NIPBL: variants seen among roughly 807,000 people sequenced by gnomAD.
The protein encoded by NIPBL is NIPBL cohesin loading factor, also known as nipped-B-like protein.
NIPBL carries 19 observed loss-of-function variants against 321.8 expected under a neutral mutation model. The ratio of observed to expected loss-of-function variants is 0.06; its 90% CI spans 0.04 to 0.09. NIPBL has a LOEUF of 0.09. NIPBL is among the 10% of genes least tolerant of loss of function. The pLI is 1.00. For missense variants in NIPBL, 2,210 were observed against 3,327.0 expected (o/e 0.66, Z 8.26); for synonymous variants, 1,106 against 1,114.1 (o/e 0.99, Z 0.14).
chr5:36,980,293 G>A (rs984352465), intron 9 of NIPBL, among the ~76,000 whole-genome samples: 16 of 151,658 alleles, frequency 1.1e-4, no homozygotes, highest in African/African-American at 3.9e-4. Flanking sequence ...GAGCAGAGTT[G>A]ACATTCAATT....
chr5:37,050,024 G>A (rs1753363636), intron 40 of NIPBL, among the ~76,000 whole-genome samples: 1 of 152,182 alleles, frequency 6.6e-6, no homozygotes, highest in African/African-American at 2.4e-5. Flanking sequence ...TATTTATCCT[G>A]TTCTTCATGA....
rs555747521 is a variant in NIPBL, at chr5:37,004,955, A to T, written c.3856-1402A>T. Among the ~76,000 whole-genome samples, 8 of 152,306 alleles carry T rather than the reference A, an allele frequency of 5.3e-5. No individual in the cohort carries two copies. The South Asian group carries it at 1.7e-3, about 32-fold the overall frequency. On this transcript the variant is annotated intron_variant, in intron 16 of 46. Transcript: ENST00000282516. ...ACAAAAGCCACAGGATTGCTAGGGG[A>T]TCTACATGGAATAAAACAAGCTTGT... is the stretch of plus-strand genomic sequence containing the variant.
intron 27 of NIPBL, among the ~76,000 whole-genome samples, chr5:37,021,247 C>T (rs1484898575): frequency 6.6e-6 from 1 of 152,018 alleles, no homozygotes; most frequent in Non-Finnish European, 1.5e-5. Context: ...TGCAGTGAGC[C>T]GAGATCGTGC....
In NIPBL at chr5:36,950,367, A is replaced by G. The variant is rs181722617; in HGVS notation, c.-79-3251A>G. On this transcript the variant is annotated intron_variant, in intron 1 of 46. Transcript: ENST00000282516. Reference sequence around the variant, plus strand: ...TTACTATGTGCCAGGTGGTATGTCAAATGATATATGTGCATTATTTTATTT... The same window carrying G: ...TTACTATGTGCCAGGTGGTATGTCAGATGATATATGTGCATTATTTTATTT... 1.8e-3 allele frequency among the ~76,000 whole-genome samples: 281 copies of G among 152,156 alleles called. 1 individual carries two copies. Among genetic ancestry groups the G allele is most frequent in the African/African-American group, 6.4e-3 (265 of 41,538 alleles).
chr5:37,054,895 G>A (rs761271360), intron 42 of NIPBL, among the ~76,000 whole-genome samples: 2 of 151,866 alleles, frequency 1.3e-5, no homozygotes, highest in Non-Finnish European at 2.9e-5. Flanking sequence ...ATAATATATA[G>A]AGGATCCTGT....
intron 6 of NIPBL, among the ~76,000 whole-genome samples, chr5:36,963,973 G>C (rs1168435427): frequency 2.0e-5 from 3 of 152,138 alleles, no homozygotes; most frequent in African/African-American, 7.2e-5. Context: ...ATATACACAT[G>C]AATGTGTGTA....
intron 21 of NIPBL, among the ~76,000 whole-genome samples, chr5:37,012,456 A>AT (rs763144789): frequency 0.066 from 7,028 of 107,084 alleles, 406 homozygotes; most frequent in African/African-American, 0.15. Context: ...TCTTTCTCCA[A>AT]TTTTTTTTTT....
chr5:36,954,756 T>G (rs547900548), intron 2 of NIPBL, among the ~76,000 whole-genome samples: 1 of 152,180 alleles, frequency 6.6e-6, no homozygotes, highest in Non-Finnish European at 1.5e-5. Flanking sequence ...ATAATTATAC[T>G]GTATAGGTGA....
chr5:36,894,820 G>A (rs1367169513), intron 1 of NIPBL, among the ~76,000 whole-genome samples: 6 of 152,080 alleles, frequency 3.9e-5, no homozygotes, highest in Non-Finnish European at 8.8e-5. Flanking sequence ...TGTATATCAA[G>A]CTAAAGTTTA....
At chr5:36,993,442 T>C (rs764218970) in intron 10 of NIPBL, among the ~76,000 whole-genome samples, 4 of 152,188 alleles carry the variant, frequency 2.6e-5, no homozygotes, top group Non-Finnish European at 5.9e-5. Context: ...AGGCATAGGT[T>C]ATCTGTGTTT....
Position 37,066,393 on chromosome 5 carries a change from A to G in NIPBL, c.*1501A>G, listed in dbSNP as rs773342244. On this transcript the variant is annotated 3_prime_UTR_variant, in exon 47 of 47. Transcript: ENST00000282516. ...CACAAAATACCTTTTTGTGACACCTATTAAACCACTATGAAAATAACTTTT... is the reference window on the plus strand; with the variant it reads ...CACAAAATACCTTTTTGTGACACCTGTTAAACCACTATGAAAATAACTTTT... The G allele has an allele frequency of 4.6e-4, 70 of 152,216 alleles. No individual in the cohort carries two copies. Among genetic ancestry groups the G allele is most frequent in the Non-Finnish European group, 8.5e-4 (58 of 68,020 alleles). The allele number at this position is 152,216 out of a possible 1,614,324, so 9.4% of individuals were successfully genotyped here.
chr5:37,026,258 C>G lies in NIPBL; in HGVS notation c.5739C>G (p.Leu1913=), dbSNP rs1462787879. The G allele has an allele frequency of 3.1e-6, 5 of 1,610,014 alleles. No individual in the cohort carries two copies. Among genetic ancestry groups the G allele is most frequent in the Non-Finnish European group, 4.2e-6 (5 of 1,176,788 alleles). ...TAGTAAATGAAACATTCCAGAAACT[C>G]TGGTTTACTCCAACTCCACACAATG... The part of the protein sequence containing the change: ...KKLVNETFQK[L]WFTPTPHNDK... Residue 1913 remains leucine, a synonymous_variant, in exon 31 of 47, where the codon CTC becomes CTG. Transcript: ENST00000282516.
At chr5:37,018,708 C>T (rs184605876) in intron 24 of NIPBL, among the ~76,000 whole-genome samples, 24 of 152,248 alleles carry the variant, frequency 1.6e-4, no homozygotes, top group African/African-American at 1.9e-4. Flanking sequence ...ATTTTTATGG[C>T]TCTCAACACA....
chr5:37,014,054 G>T (rs528841124), intron 21 of NIPBL, among the ~76,000 whole-genome samples: 3 of 152,344 alleles, frequency 2.0e-5, no homozygotes, highest in Middle Eastern at 6.8e-3. Context: ...AAAAAAATAC[G>T]AAAACCAGTC....
intron 29 of NIPBL, among the ~76,000 whole-genome samples, chr5:37,024,132 C>T (rs550905006): frequency 6.6e-6 from 1 of 151,660 alleles, no homozygotes; most frequent in Non-Finnish European, 1.5e-5. Flanking sequence ...ACCATTGTTA[C>T]CCCAGCCTGG....
At chr5:36,935,531 A>G (rs1326231222) in intron 1 of NIPBL, among the ~76,000 whole-genome samples, 2 of 152,112 alleles carry the variant, frequency 1.3e-5, no homozygotes, top group South Asian at 2.1e-4. Context: ...TTGTGCTTCT[A>G]AGGTACCATA....
In NIPBL at chr5:37,002,676, A is replaced by T; in HGVS notation, c.3679A>T (p.Ile1227Phe). Residue 1227 changes from isoleucine (I) to phenylalanine (F), a missense_variant, in exon 15 of 47, where the codon ATT becomes TTT. Coordinates refer to ENST00000282516, the MANE Select transcript of NIPBL (RefSeq NM_133433.4). ...TGATTTTGCAGGTGATGATGATGAA[A>T]TTCCTCAGGAACTGCTCTTAGGAAA... ...DFTAFGDDDE[I>F]PQELLLGKHQ... is the part of the protein sequence containing the mutation. 1 of 1,610,476 alleles carries T rather than the reference A, an allele frequency of 6.2e-7. No homozygotes were observed. Among genetic ancestry groups the T allele is most frequent in the Non-Finnish European group, 8.5e-7 (1 of 1,177,012 alleles).
intron 9 of NIPBL, among the ~76,000 whole-genome samples, chr5:36,980,257 GTTAAC>G (rs1743985515): frequency 4.6e-5 from 7 of 151,658 alleles, no homozygotes; most frequent in African/African-American, 1.7e-4. Context: ...TGATGGCATA[GTTAAC>G]AGATAACTGA....
chr5:36,896,479 G>T (rs933185141), intron 1 of NIPBL, among the ~76,000 whole-genome samples: 1 of 152,276 alleles, frequency 6.6e-6, no homozygotes, highest in East Asian at 1.9e-4. Context: ...AATTTTGATA[G>T]GGGTCGTATT....
Sources: gnomAD v4.1 joint callset for allele counts (sites outside exome capture counted in the v4.1 genomes callset) on GRCh38, gnomAD v4.1.1 for gene constraint, MANE v1.5 for transcripts, NCBI Gene and HGNC (gene_info 2026-07-23, HGNC 2026-07-21) for gene names.